The following RHBDF1 variants were observed in gnomAD, a reference collection of about 807,000 sequenced individuals.
RHBDF1 encodes the protein rhomboid 5 homolog 1, also known as inactive rhomboid protein 1.
Under a neutral mutation model 98.6 loss-of-function variants are expected in RHBDF1, and 80 were observed. The ratio of observed to expected loss-of-function variants is 0.81; its 90% CI spans 0.68 to 0.98. The LOEUF is 0.98. Among genes scored for constraint, RHBDF1 ranks in the 50% least tolerant of loss-of-function variants. RHBDF1 has a pLI of 0.00. For synonymous variants in RHBDF1, 512 were observed against 486.8 expected (o/e 1.05, Z -0.68); for missense variants, 1,116 against 1,198.3 (o/e 0.93, Z 1.01).
At chr16:65,619 T>A (rs1369931801) in intron 1 of RHBDF1, among the ~76,000 whole-genome samples, 1 of 151,912 alleles carries the variant, frequency 6.6e-6, no homozygotes, top group Non-Finnish European at 1.5e-5. Context: ...CCAGGGCAAA[T>A]CTCACACCTG....
chr16:63,288 C>T, intron 4 of RHBDF1, 106 bp from the exon 5 acceptor site: 5 of 991,372 alleles, frequency 5.0e-6, no homozygotes, highest in Non-Finnish European at 5.8e-6. Flanking sequence ...CCTGACTCCT[C>T]ACGGGCCCCT....
At chr16:65,512 G>T (rs1165251273) in intron 1 of RHBDF1, among the ~76,000 whole-genome samples, 2 of 152,218 alleles carry the variant, frequency 1.3e-5, no homozygotes, top group South Asian at 4.1e-4. Flanking sequence ...AAGGCTTGAA[G>T]GAGGGGAGTG....
chr16:60,556 C>T lies in RHBDF1; in HGVS notation c.1558-17G>A, dbSNP rs2141846370. On this transcript the variant is annotated splice_polypyrimidine_tract_variant and intron_variant, in intron 11 of 17. Coordinates refer to ENST00000262316, the MANE Select transcript of RHBDF1 (RefSeq NM_022450.5). The stretch of plus-strand genomic sequence containing the variant: ...CAGCGTGGACTGTGGGAGGGGGACA[C>T]AGGGTCAGGTCCAGTTGGGTCAGGG... The T allele has an allele frequency of 6.3e-7, 1 of 1,598,838 alleles. No individual in the cohort carries two copies. The highest frequency in any genetic ancestry group is 8.5e-7 in the Non-Finnish European group (1 of 1,175,542).
At position 61,239 on chromosome 16, in the gene RHBDF1, G is replaced by C; in HGVS notation, c.1438C>G (p.Arg480Gly). ...AAGCTGTGCACCTGCGGGTCCTGGC[G>C]CATGCAGGGCGAAAACTTGGCGCCC... ...HLGAKFSPCMRQDPQVHSFIR... is the reference protein window; with the variant it reads ...HLGAKFSPCMGQDPQVHSFIR... Residue 480 changes from arginine (R) to glycine (G), a missense_variant, in exon 11 of 18, where the codon CGC (arginine) becomes GGC (glycine). Coordinates refer to ENST00000262316, the MANE Select transcript of RHBDF1 (RefSeq NM_022450.5). 6.5e-7 allele frequency: 1 copy of C among 1,545,614 alleles called. No homozygotes were observed. Among genetic ancestry groups the C allele is most frequent in the Non-Finnish European group, 8.7e-7 (1 of 1,144,724 alleles).
intron 7 of RHBDF1, 138 bp from the exon 8 acceptor site, chr16:62,190 A>C (rs1897659818): frequency 3.1e-6 from 4 of 1,270,588 alleles, no homozygotes; most frequent in Non-Finnish European, 4.2e-6. Flanking sequence ...TCTCCTTGCC[A>C]GTAAAAAAGC....
intron 1 of RHBDF1, among the ~76,000 whole-genome samples, chr16:67,549 T>A (rs138299418): frequency 5.3e-5 from 8 of 152,206 alleles, no homozygotes; most frequent in African/African-American, 1.9e-4. Flanking sequence ...TCCTCACACC[T>A]GACTCCCTCC....
chr16:69,586 G>A (rs1421801324), intron 1 of RHBDF1, among the ~76,000 whole-genome samples: 2 of 152,114 alleles, frequency 1.3e-5, no homozygotes, highest in Admixed American at 6.6e-5. Flanking sequence ...GATCTCCCTT[G>A]AGAAGGGGGT....
At chr16:71,903 G>A (rs1313336050) in intron 1 of RHBDF1, among the ~76,000 whole-genome samples, 2 of 152,232 alleles carry the variant, frequency 1.3e-5, no homozygotes, top group African/African-American at 4.8e-5. Flanking sequence ...CTGTCTTCGG[G>A]AGTCGCTCCC....
At position 63,653 on chromosome 16, in the gene RHBDF1, C is replaced by T. The variant is rs979797565; in HGVS notation, c.396G>A (p.Val132=). Reference sequence around the variant, plus strand: ...GTGGCGTCTCGGTGCTGGTCAGCGACACGTTGTCCTGGCTGGGCAGGTCCA... The same window carrying T: ...GTGGCGTCTCGGTGCTGGTCAGCGATACGTTGTCCTGGCTGGGCAGGTCCA... The part of the protein sequence containing the change: ...RELDLPSQDN[V]SLTSTETPPP... Residue 132 remains valine (V), a synonymous_variant, in exon 4 of 18, where the codon GTG becomes GTA. Transcript: ENST00000262316. 5.0e-6 allele frequency: 8 copies of T among 1,609,084 alleles called. No homozygotes were observed. In the African/African-American group the frequency reaches 6.7e-5, roughly 13 times the overall value.
chr16:69,161 C>T (rs1897907372), intron 1 of RHBDF1, among the ~76,000 whole-genome samples: 2 of 152,174 alleles, frequency 1.3e-5, no homozygotes, highest in Non-Finnish European at 1.5e-5. Context: ...GGACAGAACC[C>T]TCCAAAGGTG....
intron 4 of RHBDF1, 94 bp downstream of exon 4, chr16:63,493 G>T: frequency 8.9e-7 from 1 of 1,123,064 alleles, no homozygotes; most frequent in Non-Finnish European, 1.3e-6. Context: ...TGAGCTCCCA[G>T]AGAGTCCCTT....
chr16:61,604 T>C lies in RHBDF1; in HGVS notation c.1301A>G (p.Gln434Arg), dbSNP rs1441963599. The change falls in exon 9 of 18, where the codon CAG becomes CGG. Residue 434 changes from glutamine (Q) to arginine (R), a missense_variant. Coordinates refer to ENST00000262316, the MANE Select transcript of RHBDF1 (RefSeq NM_022450.5). ...GCTCACCGAGTCCACCGTCTCATGC[T>C]GCGAGAAGCCCACGGGCGCGATGCC... is the stretch of plus-strand genomic sequence containing the variant. ...IYGIAPVGFS[Q>R]HETVDSVLRN... The C allele has an allele frequency of 6.2e-7, 1 of 1,613,324 alleles. No individual in the cohort carries two copies. Among genetic ancestry groups the C allele is most frequent in the Non-Finnish European group, 8.5e-7 (1 of 1,179,900 alleles).
intron 10 of RHBDF1, 28 bp downstream of exon 10, chr16:61,357 C>A: frequency 6.4e-7 from 1 of 1,556,998 alleles, no homozygotes; most frequent in Non-Finnish European, 8.7e-7. Context: ...CCCGCCCCCG[C>A]CGGCCCCGCC....
chr16:73,459 T>C (rs890451202), upstream of RHBDF1, among the ~76,000 whole-genome samples: 6 of 152,146 alleles, frequency 3.9e-5, no homozygotes, highest in Non-Finnish European at 2.9e-5. Context: ...GGTGGGCTCA[T>C]ATCCCTGCAC....
In RHBDF1 at chr16:58,174, C is replaced by G. The variant is rs1897455870; in HGVS notation, c.*166G>C. On this transcript the variant is annotated 3_prime_UTR_variant, in exon 18 of 18. Transcript: ENST00000262316. ...GTAGTATAATAAATGCCCGGCAGTA[C>G]GAGGGGTTCAACAGAAGTGAACAAG... 1 of 633,714 alleles carries G rather than the reference C, an allele frequency of 1.6e-6. No individual in the cohort carries two copies. The allele number at this position is 633,714 out of a possible 1,614,324, so 39.3% of individuals were successfully genotyped here. A position where few individuals can be genotyped will look rare whatever the true frequency, so the allele number is the denominator to read the frequency against.
chr16:72,820 G>A (rs1466123251), upstream of RHBDF1, among the ~76,000 whole-genome samples: 1 of 152,166 alleles, frequency 6.6e-6, no homozygotes, highest in African/African-American at 2.4e-5. Context: ...CCAGCGCCTC[G>A]GCCCGACGGA....
In RHBDF1 at chr16:58,619, C is replaced by T. The variant is rs767291803; in HGVS notation, c.2289G>A (p.Leu763=). ...GGGCAAAGTTGTCAATCCACGGCAG[C>T]AGCCCAAAGGTGAAGAGGAAGAGCA... ...AVVLFLFTFG[L]LPWIDNFAHI... The change falls in exon 18 of 18, where the codon CTG becomes CTA. Residue 763 remains leucine (L), a synonymous_variant. Transcript: ENST00000262316. The T allele has an allele frequency of 6.2e-7, 1 of 1,613,650 alleles. No homozygotes were observed. Among genetic ancestry groups the T allele is most frequent in the Non-Finnish European group, 8.5e-7 (1 of 1,179,984 alleles).
In RHBDF1 at chr16:59,076, G is replaced by T; in HGVS notation, c.2046C>A (p.Asp682Glu). ...SICFQMTVLR[D>E]LEKLAGWHRI... is the part of the protein sequence containing the mutation. Reference sequence around the variant, plus strand: ...GGTGCCAGCCTGCCAGCTTCTCCAGGTCCCGCAGGACAGTCATCTGGAAGC... The same window carrying T: ...GGTGCCAGCCTGCCAGCTTCTCCAGTTCCCGCAGGACAGTCATCTGGAAGC... Residue 682 changes from aspartate (D) to glutamate (E), a missense_variant, in exon 17 of 18, where the codon GAC (aspartate) becomes GAA (glutamate). Coordinates refer to ENST00000262316, the MANE Select transcript of RHBDF1 (RefSeq NM_022450.5). The T allele has an allele frequency of 1.2e-6, 2 of 1,613,642 alleles. No individual in the cohort carries two copies. Among genetic ancestry groups the T allele is most frequent in the Non-Finnish European group, 1.7e-6 (2 of 1,180,022 alleles).
Position 58,642 on chromosome 16 carries a change from G to T in RHBDF1, c.2266C>A (p.Leu756Ile), listed in dbSNP as rs148360562. 8.7e-4 allele frequency: 1,405 copies of T among 1,613,478 alleles called. 8 individuals carry two copies. Among genetic ancestry groups the T allele is most frequent in the South Asian group, 6.0e-3 (543 of 91,090 alleles). Residue 756 changes from leucine (L) to isoleucine (I), a missense_variant, in exon 18 of 18, where the codon CTC becomes ATC. Coordinates refer to ENST00000262316, the MANE Select transcript of RHBDF1 (RefSeq NM_022450.5). ...RAFFKLLAVV[L>I]FLFTFGLLPW... ...AGCAGCCCAAAGGTGAAGAGGAAGA[G>T]CACCACAGCCAGCAGCTTGAAGAAG... is the stretch of plus-strand genomic sequence containing the variant.
Sources: gnomAD v4.1 joint callset for allele counts (sites outside exome capture counted in the v4.1 genomes callset) on GRCh38, gnomAD v4.1.1 for gene constraint, MANE v1.5 for transcripts, NCBI Gene and HGNC (gene_info 2026-07-23, HGNC 2026-07-21) for gene names.